EIF3B: variants seen among roughly 807,000 people sequenced by gnomAD.
The protein encoded by EIF3B is eukaryotic translation initiation factor 3 subunit 9.
EIF3B carries 10 observed loss-of-function variants against 104.6 expected under a neutral mutation model. The observed-to-expected ratio is 0.10, with a 90% CI of 0.06 to 0.16. EIF3B has a LOEUF of 0.16. Among genes scored for constraint, EIF3B ranks in the 10% least tolerant of loss-of-function variants. EIF3B has a pLI of 1.00. For synonymous variants in EIF3B, 542 were observed against 417.2 expected (o/e 1.30, Z -3.65); for missense variants, 1,014 against 1,087.9 (o/e 0.93, Z 0.96).
At chr7:2,360,588 C>A (rs1583152439) in intron 1 of EIF3B, 122 bp from the exon 2 acceptor site, 1 of 775,082 alleles carries the variant, frequency 1.3e-6, no homozygotes, top group East Asian at 2.8e-5. Context: ...ATTTCTTTTG[C>A]TCACAGTGAA....
In EIF3B at chr7:2,375,522, C is replaced by T. The variant is rs1312430252; in HGVS notation, c.2023C>T (p.His675Tyr). ...CGTCACCTCTGTGTCCTGGTGGAGC[C>T]ATAAGGTGCAGGCCTGTGGGGCATA... ...YVVTSVSWWS[H>Y]KVDNAYWLWT... Residue 675 changes from histidine to tyrosine, a missense_variant, in exon 14 of 19, where the codon CAT becomes TAT. Physicochemically the swap from His to Tyr is moderately conservative, Grantham distance 83. Around this residue, in one of 4 missense-constraint regions of EIF3B, gnomAD observed 266 missense variants for 324.0 expected, o/e 0.82. Coordinates refer to ENST00000360876, the MANE Select transcript of EIF3B (RefSeq NM_001037283.2). 1 of 1,614,188 alleles carries T rather than the reference C, an allele frequency of 6.2e-7. No individual in the cohort carries two copies. The highest frequency in any genetic ancestry group is 1.1e-5 in the South Asian group (1 of 91,088).
chr7:2,370,906 G>A (rs60998117), intron 10 of EIF3B, among the ~76,000 whole-genome samples: 2,835 of 152,166 alleles, frequency 0.019, 93 homozygotes, highest in African/African-American at 0.065. Context: ...TACTAAAAAT[G>A]CAAAAAATTA....
In EIF3B at chr7:2,380,365, T is replaced by C. The variant is rs765061561; in HGVS notation, c.*176T>C. ...CTCCCTGTGCTCTCTGGCTCTGGACTGTGACTGCGCCTGGATTCTGCCATT... is the reference window on the plus strand; with the variant it reads ...CTCCCTGTGCTCTCTGGCTCTGGACCGTGACTGCGCCTGGATTCTGCCATT... On this transcript the variant is annotated 3_prime_UTR_variant, in exon 19 of 19. Transcript: ENST00000360876. 1.9e-6 allele frequency: 1 copy of C among 518,894 alleles called. No homozygotes were observed. The highest frequency in any genetic ancestry group is 1.4e-5 in the South Asian group (1 of 71,570). The allele number at this position is 518,894 out of a possible 1,614,324, so 32.1% of individuals were successfully genotyped here.
intron 13 of EIF3B, 61 bp from the exon 14 acceptor site, chr7:2,375,328 G>T (rs1191838438): frequency 2.5e-6 from 4 of 1,604,568 alleles, no homozygotes; most frequent in East Asian, 4.5e-5. Flanking sequence ...CACCTCTCAG[G>T]AGTGGGATGC....
At chr7:2,359,011 G>T (rs761026068) in intron 1 of EIF3B, among the ~76,000 whole-genome samples, 4 of 152,108 alleles carry the variant, frequency 2.6e-5, no homozygotes, top group Non-Finnish European at 5.9e-5. Context: ...TAGAGCCCAG[G>T]AGTTCCAGGC....
chr7:2,373,883 A>T (rs1780493702), intron 12 of EIF3B: 1 of 152,142 alleles, frequency 6.6e-6, no homozygotes, highest in Admixed American at 6.5e-5. Flanking sequence ...GCCAGGGTGC[A>T]CTGCCCTCCC....
chr7:2,363,619 C>T lies in EIF3B; in HGVS notation c.871-13C>T, dbSNP rs1779858094. 1.3e-6 allele frequency: 2 copies of T among 1,591,788 alleles called. No individual in the cohort carries two copies. The highest frequency in any genetic ancestry group is 1.7e-6 in the Non-Finnish European group (2 of 1,172,528). On this transcript the variant is annotated splice_polypyrimidine_tract_variant and intron_variant, in intron 4 of 18. Coordinates refer to ENST00000360876, the MANE Select transcript of EIF3B (RefSeq NM_001037283.2). ...ATTAATGAAATGTTATATTCCTTGTCTTTGTTTTTAAGGGGAACTTACGTT... is the reference window on the plus strand; with the variant it reads ...ATTAATGAAATGTTATATTCCTTGTTTTTGTTTTTAAGGGGAACTTACGTT...
chr7:2,371,793 T>C lies in EIF3B; in HGVS notation c.1631T>C (p.Phe544Ser), dbSNP rs1215830906. 1 of 1,613,876 alleles carries C rather than the reference T, an allele frequency of 6.2e-7. No homozygotes were observed. The highest frequency in any genetic ancestry group is 8.5e-7 in the Non-Finnish European group (1 of 1,179,898). The change falls in exon 11 of 19, where the codon TTT becomes TCT. Residue 544 changes from phenylalanine (F) to serine (S), a missense_variant. Physicochemically the swap from Phe to Ser is radical, Grantham distance 155 (BLOSUM62 -2). This residue lies in a region of EIF3B where 59 missense variants were observed against 118.8 expected (regional missense o/e 0.50). Coordinates refer to ENST00000360876, the MANE Select transcript of EIF3B (RefSeq NM_001037283.2). ...TTTAAACAGGGTGTTGTCACAAATTTTGAAATTTTCCGAATGAGGGAGAAA... is the reference window on the plus strand; with the variant it reads ...TTTAAACAGGGTGTTGTCACAAATTCTGAAATTTTCCGAATGAGGGAGAAA... ...PKGTQGVVTN[F>S]EIFRMREKQV...
intron 3 of EIF3B, 127 bp downstream of exon 3, chr7:2,362,891 C>T (rs766704173): frequency 4.0e-5 from 59 of 1,487,216 alleles, no homozygotes; most frequent in African/African-American, 2.8e-4. Flanking sequence ...GTCAGGCTGC[C>T]GCAGAGCCAT....
chr7:2,358,268 C>T (rs1363615306), intron 1 of EIF3B, among the ~76,000 whole-genome samples: 1 of 152,016 alleles, frequency 6.6e-6, no homozygotes, highest in Non-Finnish European at 1.5e-5. Context: ...ATTTTTAATA[C>T]AGATGGGGTT....
intron 1 of EIF3B, among the ~76,000 whole-genome samples, chr7:2,358,100 C>T (rs932314741): frequency 6.6e-6 from 1 of 151,978 alleles, no homozygotes; most frequent in African/African-American, 2.4e-5. Context: ...TTCAATATTT[C>T]CTTTTTTTTT....
Position 2,361,783 on chromosome 7 carries a change from G to T in EIF3B, c.693-862G>T, listed in dbSNP as rs567598180. The stretch of plus-strand genomic sequence containing the variant: ...ATTAGACTACTTTTAAGTTTTTTTT[G>T]TTTGTTTGTTTGTTTGAGACAGTCT... On this transcript the variant is annotated intron_variant, in intron 2 of 18. Coordinates refer to ENST00000360876, the MANE Select transcript of EIF3B (RefSeq NM_001037283.2). Among the ~76,000 whole-genome samples, 476 of 149,978 alleles carry T rather than the reference G, an allele frequency of 3.2e-3. 3 individuals are homozygous for T. Among genetic ancestry groups the T allele is most frequent in the Middle Eastern group, 7.1e-3 (2 of 282 alleles).
At chr7:2,364,617 A>T (rs912006309) in intron 6 of EIF3B, 88 bp downstream of exon 6, 22 of 1,273,830 alleles carry the variant, frequency 1.7e-5, no homozygotes, top group Non-Finnish European at 2.4e-5. Flanking sequence ...TAGCATTTCA[A>T]ACTTAGTAGA....
chr7:2,380,535 T>C lies in EIF3B; in HGVS notation c.*346T>C, dbSNP rs1488384677. 1.5e-5 allele frequency: 6 copies of C among 412,268 alleles called. No homozygotes were observed. The highest frequency in any genetic ancestry group is 1.3e-4 in the East Asian group (2 of 15,902). 25.5% of individuals were successfully genotyped at this position (412,268 alleles called of 1,614,324 possible). A position where few individuals can be genotyped will look rare whatever the true frequency, so the allele number is the denominator to read the frequency against. ...CTTAGCGACGCCACTGGCGGCACCT[T>C]CTCCTGCGCCCAGTGATGTTTCCAC... On this transcript the variant is annotated 3_prime_UTR_variant, in exon 19 of 19. Transcript: ENST00000360876.
intron 9 of EIF3B, among the ~76,000 whole-genome samples, chr7:2,368,670 A>G (rs1372458783): frequency 6.6e-6 from 1 of 152,206 alleles, no homozygotes; most frequent in Non-Finnish European, 1.5e-5. Flanking sequence ...TTTAAGGAAA[A>G]GAGGGGACTC....
intron 10 of EIF3B, among the ~76,000 whole-genome samples, chr7:2,370,635 T>C (rs556887674): frequency 3.9e-5 from 6 of 152,190 alleles, no homozygotes; most frequent in African/African-American, 9.7e-5. Flanking sequence ...TTCAGAGTTA[T>C]GCAGCCACCA....
Position 2,379,109 on chromosome 7 carries a change from G to T in EIF3B, c.2233-25G>T. On this transcript the variant is annotated intron_variant, in intron 16 of 18. Coordinates refer to ENST00000360876, the MANE Select transcript of EIF3B (RefSeq NM_001037283.2). ...GGGAGGCACTTGTCTTACCAGTTCT[G>T]TGCTTTCCCCAACCTCATGCATAGG... is the stretch of plus-strand genomic sequence containing the variant. The T allele has an allele frequency of 1.9e-6, 3 of 1,606,390 alleles. No homozygotes were observed. The East Asian group carries it at 6.7e-5, about 36-fold the overall frequency.
chr7:2,362,666 G>A lies in EIF3B; in HGVS notation c.714G>A (p.Ala238=), dbSNP rs776874073. ...KTKGYIFLEY[A]SPAHAVDAVK... ...TCAGGTATATTTTCCTGGAGTACGCGTCCCCTGCCCACGCTGTGGATGCTG... is the reference window on the plus strand; with the variant it reads ...TCAGGTATATTTTCCTGGAGTACGCATCCCCTGCCCACGCTGTGGATGCTG... The change falls in exon 3 of 19, where the codon GCG becomes GCA. Residue 238 remains alanine (A), a synonymous_variant. Coordinates refer to ENST00000360876, the MANE Select transcript of EIF3B (RefSeq NM_001037283.2). The A allele has an allele frequency of 1.9e-5, 31 of 1,614,126 alleles. No individual in the cohort carries two copies. The highest frequency in any genetic ancestry group is 3.3e-4 in the Middle Eastern group (2 of 6,084).
intron 1 of EIF3B, among the ~76,000 whole-genome samples, chr7:2,356,552 G>C (rs1471687396): frequency 6.8e-6 from 1 of 147,182 alleles, no homozygotes; most frequent in Admixed American, 6.9e-5. Context: ...GCAGTGAGCC[G>C]AGATCCTGCC....
Sources: gnomAD v4.1 joint callset for allele counts (sites outside exome capture counted in the v4.1 genomes callset) on GRCh38, gnomAD v4.1.1 for gene constraint, gnomAD v4.1.1 regional missense constraint, MANE v1.5 for transcripts, NCBI Gene and HGNC (gene_info 2026-07-23, HGNC 2026-07-21) for gene names.